Variants in PTPRJ observed in about 807,000 individuals in gnomAD.
PTPRJ encodes receptor-type tyrosine-protein phosphatase eta.
A neutral mutation model predicts 141.3 loss-of-function variants in PTPRJ; 129 were observed. The observed-to-expected ratio is 0.91, with a 90% CI of 0.79 to 1.06. The LOEUF (loss-of-function observed/expected upper bound fraction) is 1.06. PTPRJ is among the 50% of genes least tolerant of loss of function. The pLI, the probability that PTPRJ is intolerant of heterozygous loss-of-function variation, is 0.00. For synonymous variants in PTPRJ, 610 were observed against 640.5 expected, an observed-to-expected ratio of 0.95 and a Z score of 0.72; for missense variants, 1,601 against 1,679.7, an observed-to-expected ratio of 0.95 and a Z score of 0.82.
chr11:48,073,457 G>A (rs556659958), intron 1 of PTPRJ, among the ~76,000 whole-genome samples: 4 of 152,330 alleles, frequency 2.6e-5, no homozygotes, highest in African/African-American at 9.6e-5. Context: ...TCTGTAAGAT[G>A]GAGAGATAAC....
chr11:48,011,115 C>CAT (rs766610256), intron 1 of PTPRJ, among the ~76,000 whole-genome samples: 3 of 152,194 alleles, frequency 2.0e-5, no homozygotes, highest in Non-Finnish European at 2.9e-5. Flanking sequence ...GCAGAGATAA[C>CAT]ATTGGCACAA....
At chr11:48,119,710 A>G (rs933997498) in intron 3 of PTPRJ, among the ~76,000 whole-genome samples, 1 of 152,148 alleles carries the variant, frequency 6.6e-6, no homozygotes, top group African/African-American at 2.4e-5. Context: ...GGCTTCCTGC[A>G]GTTTTTTTAT....
intron 1 of PTPRJ, among the ~76,000 whole-genome samples, chr11:48,067,868 G>T (rs567153452): frequency 6.6e-6 from 1 of 152,162 alleles, no homozygotes; most frequent in Admixed American, 6.5e-5. Flanking sequence ...GGAGGCGTGC[G>T]CTCCAACACC....
At chr11:48,032,292 G>T (rs1854004385) in intron 1 of PTPRJ, among the ~76,000 whole-genome samples, 1 of 152,190 alleles carries the variant, frequency 6.6e-6, no homozygotes, top group South Asian at 2.1e-4. Flanking sequence ...CAACATCAAT[G>T]GGGGAAGGGA....
At chr11:48,156,642 G>A (rs1412461376) in intron 21 of PTPRJ, among the ~76,000 whole-genome samples, 1 of 143,868 alleles carries the variant, frequency 7.0e-6, no homozygotes, top group Non-Finnish European at 1.5e-5. Flanking sequence ...CAGCCAGCCT[G>A]GAGTGCAGTG....
chr11:48,036,322 A>G (rs993692258), intron 1 of PTPRJ, among the ~76,000 whole-genome samples: 5 of 152,182 alleles, frequency 3.3e-5, no homozygotes, highest in African/African-American at 1.2e-4. Flanking sequence ...GTTGCATGCC[A>G]TTGACTTCTC....
intron 1 of PTPRJ, among the ~76,000 whole-genome samples, chr11:48,061,996 T>A (rs987469642): frequency 6.6e-6 from 1 of 150,418 alleles, no homozygotes; most frequent in African/African-American, 2.4e-5. Flanking sequence ...GGCTCAGCCC[T>A]TGGGCTCAAA....
rs35405916 is a variant in PTPRJ at position 48,069,445 on chromosome 11, A to ATTTTTTTTTTTTTTTTTTTTTT, written c.97-40592_97-40591insTTTTTTTTTTTTTTTTTTTTTT. ...GGCTGTGATAAAAACTACATTGATA[A>ATTTTTTTTTTTTTTTTTTTTTT]TTTTTTTTTTTTTTTTTTTTTGGAG... On this transcript the variant is annotated intron_variant, in intron 1 of 24. Coordinates refer to ENST00000418331, the MANE Select transcript of PTPRJ (RefSeq NM_002843.4). Among the ~76,000 whole-genome samples, 2 of 121,322 alleles carry ATTTTTTTTTTTTTTTTTTTTTT rather than the reference A, an allele frequency of 1.6e-5. 1 individual carries two copies. The highest frequency in any genetic ancestry group is 3.4e-5 in the Non-Finnish European group (2 of 59,588). 79.6% of individuals were successfully genotyped at this position (121,322 alleles called of 152,430 possible).
At chr11:48,066,660 A>G (rs2134267069) in intron 1 of PTPRJ, among the ~76,000 whole-genome samples, 1 of 151,578 alleles carries the variant, frequency 6.6e-6, no homozygotes, top group East Asian at 1.9e-4. Flanking sequence ...ATCTTGGCTC[A>G]CTGCAACCTC....
At chr11:48,063,547 T>C (rs1416095053) in intron 1 of PTPRJ, among the ~76,000 whole-genome samples, 2 of 152,192 alleles carry the variant, frequency 1.3e-5, no homozygotes. Flanking sequence ...GGTTTTCACA[T>C]ATATGGGCAG....
chr11:47,987,200 C>A (rs921221300), intron 1 of PTPRJ, among the ~76,000 whole-genome samples: 1 of 151,606 alleles, frequency 6.6e-6, no homozygotes, highest in Non-Finnish European at 1.5e-5. Flanking sequence ...CAGAGTGAGA[C>A]CCTGTCTCAA....
intron 21 of PTPRJ, among the ~76,000 whole-genome samples, chr11:48,159,159 G>T (rs7950533): frequency 7.6e-5 from 9 of 119,104 alleles, no homozygotes; most frequent in Non-Finnish European, 1.1e-4. Flanking sequence ...GTGTGTGTGT[G>T]TGGTCATTTG....
chr11:48,030,956 G>T (rs1485722304), intron 1 of PTPRJ, among the ~76,000 whole-genome samples: 2 of 152,084 alleles, frequency 1.3e-5, no homozygotes, highest in South Asian at 4.1e-4. Context: ...CAGAACAAGG[G>T]TCCTTTTACT....
In PTPRJ at chr11:48,159,992, A is replaced by G; in HGVS notation, c.3501A>G (p.Ala1167=). 3.1e-6 allele frequency: 5 copies of G among 1,613,978 alleles called. No homozygotes were observed. The highest frequency in any genetic ancestry group is 3.4e-6 in the Non-Finnish European group (4 of 1,179,842). Residue 1167 remains alanine (A), a synonymous_variant, in exon 22 of 25, where the codon GCA becomes GCG. Coordinates refer to ENST00000418331, the MANE Select transcript of PTPRJ (RefSeq NM_002843.4). ...QAQDYGDITV[A]MTSEIVLPEW... Reference sequence around the variant, plus strand: ...AGGACTATGGAGACATAACTGTGGCAATGACATCAGAAATTGTTCTTCCGG... The same window carrying G: ...AGGACTATGGAGACATAACTGTGGCGATGACATCAGAAATTGTTCTTCCGG...
chr11:48,025,777 G>A (rs544509817), intron 1 of PTPRJ, among the ~76,000 whole-genome samples: 1 of 152,288 alleles, frequency 6.6e-6, no homozygotes, highest in African/African-American at 2.4e-5. Context: ...TAAATGGCGC[G>A]TCAGCTCCTA....
At chr11:48,138,285 A>C (rs1171804058) in intron 10 of PTPRJ, among the ~76,000 whole-genome samples, 3 of 152,054 alleles carry the variant, frequency 2.0e-5, no homozygotes, top group Non-Finnish European at 4.4e-5. Flanking sequence ...CCCATCTTTG[A>C]TATTTGGGTG....
chr11:48,106,243 G>T (rs61915879), intron 1 of PTPRJ, among the ~76,000 whole-genome samples: 6,163 of 152,292 alleles, frequency 0.04, 146 homozygotes, highest in Non-Finnish European at 0.047. Flanking sequence ...GGTCGAGTCA[G>T]GGCGTTGCTC....
At chr11:48,018,171 GTT>G (rs398055230) in intron 1 of PTPRJ, among the ~76,000 whole-genome samples, 1 of 137,200 alleles carries the variant, frequency 7.3e-6, no homozygotes. Context: ...TTTCCTTCCT[GTT>G]TTTTTTTTTT....
intron 1 of PTPRJ, among the ~76,000 whole-genome samples, chr11:48,060,417 G>GTT (rs1017711116): frequency 2.0e-5 from 3 of 148,168 alleles, no homozygotes; most frequent in African/African-American, 5.0e-5. Flanking sequence ...AACAGAAGCT[G>GTT]TTTTTTTTTT....
Sources: gnomAD v4.1 joint callset for allele counts (sites outside exome capture counted in the v4.1 genomes callset) on GRCh38, gnomAD v4.1.1 for gene constraint, MANE v1.5 for transcripts, NCBI Gene and HGNC (gene_info 2026-07-23, HGNC 2026-07-21) for gene names.